PRKN: variants seen among roughly 807,000 people sequenced by gnomAD.
The protein encoded by PRKN is parkin RBR E3 ubiquitin protein ligase.
In PRKN, 56 loss-of-function variants were observed where a neutral mutation model predicts 59.5. That is an observed-to-expected ratio of 0.94 (90% CI 0.76 to 1.18). PRKN has a LOEUF of 1.18. Among genes scored for constraint, PRKN ranks in the 50% most tolerant of loss-of-function variants. The probability of loss-of-function intolerance (pLI) is 0.00; values close to 1 mark genes in which losing one functional copy is unlikely to be tolerated. For missense variants in PRKN, 657 were observed against 596.4 expected (o/e 1.10, Z -1.06); for synonymous variants, 250 against 222.1 (o/e 1.13, Z -1.12).
intron 2 of PRKN, among the ~76,000 whole-genome samples, chr6:162,389,939 G>A (rs546526404): frequency 6.6e-6 from 1 of 152,252 alleles, no homozygotes; most frequent in South Asian, 2.1e-4. Flanking sequence ...GTCTAATTTT[G>A]GCTAGTTGCA....
At chr6:162,131,253 C>G (rs1265419530) in intron 4 of PRKN, among the ~76,000 whole-genome samples, 2 of 152,090 alleles carry the variant, frequency 1.3e-5, no homozygotes, top group Admixed American at 6.6e-5. Context: ...TAAACAGGAG[C>G]CTGAGGAACA....
intron 9 of PRKN, among the ~76,000 whole-genome samples, chr6:161,425,900 C>T (rs191764363): frequency 6.6e-6 from 1 of 152,026 alleles, no homozygotes; most frequent in East Asian, 1.9e-4. Context: ...TCATGTTGGG[C>T]CCACAGGATT....
intron 2 of PRKN, among the ~76,000 whole-genome samples, chr6:162,384,254 CTT>C (rs1350506971): frequency 6.6e-6 from 1 of 152,128 alleles, no homozygotes; most frequent in African/African-American, 2.4e-5. Context: ...TTATTCCTAG[CTT>C]TTGATTTAAA....
chr6:161,512,608 A>C (rs933754538), intron 9 of PRKN, among the ~76,000 whole-genome samples: 7 of 152,150 alleles, frequency 4.6e-5, no homozygotes, highest in African/African-American at 1.7e-4. Context: ...ATTGGTATAC[A>C]AGGTTTGTCA....
intron 9 of PRKN, among the ~76,000 whole-genome samples, chr6:161,515,059 A>G (rs540246994): frequency 6.6e-6 from 1 of 152,302 alleles, no homozygotes; most frequent in Non-Finnish European, 1.5e-5. Flanking sequence ...ATTTCCTTTA[A>G]AAAGCATGAG....
intron 8 of PRKN, among the ~76,000 whole-genome samples, chr6:161,558,753 A>G (rs750861354): frequency 9.2e-5 from 14 of 152,164 alleles, no homozygotes; most frequent in Non-Finnish European, 1.3e-4. Context: ...TACGCATTAG[A>G]AATTTTTTTC....
At chr6:162,663,452 G>A (rs1435175243) in intron 1 of PRKN, among the ~76,000 whole-genome samples, 2 of 151,936 alleles carry the variant, frequency 1.3e-5, no homozygotes, top group Non-Finnish European at 2.9e-5. Flanking sequence ...GTTAGTTGCA[G>A]ACATCACTGT....
intron 6 of PRKN, among the ~76,000 whole-genome samples, chr6:161,916,926 C>T (rs1778585751): frequency 6.6e-6 from 1 of 152,084 alleles, no homozygotes; most frequent in Non-Finnish European, 1.5e-5. Flanking sequence ...CCCAGCCTCC[C>T]GAGTAGCTGG....
intron 5 of PRKN, among the ~76,000 whole-genome samples, chr6:162,025,261 C>T (rs1344005596): frequency 1.3e-5 from 2 of 151,866 alleles, no homozygotes; most frequent in African/African-American, 4.8e-5. Context: ...CCTCGGCCTC[C>T]GAAAGTGCTG....
At chr6:162,189,124 T>C (rs751668446) in intron 4 of PRKN, among the ~76,000 whole-genome samples, 20 of 151,686 alleles carry the variant, frequency 1.3e-4, no homozygotes, top group South Asian at 4.2e-4. Context: ...TTGATTCCTA[T>C]TCTAATTATC....
intron 6 of PRKN, among the ~76,000 whole-genome samples, chr6:161,829,898 A>T (rs1468418847): frequency 6.6e-6 from 1 of 151,878 alleles, no homozygotes; most frequent in Non-Finnish European, 1.5e-5. Flanking sequence ...GGATGGGAAT[A>T]TAACATATGT....
chr6:161,605,716 G>A (rs1782255769), intron 7 of PRKN, among the ~76,000 whole-genome samples: 1 of 152,008 alleles, frequency 6.6e-6, no homozygotes, highest in Non-Finnish European at 1.5e-5. Context: ...CCCCACGTTG[G>A]CCAGGCTGGT....
chr6:161,964,824 C>T (rs1780516202), intron 6 of PRKN, among the ~76,000 whole-genome samples: 2 of 152,008 alleles, frequency 1.3e-5, no homozygotes, highest in South Asian at 4.1e-4. Context: ...ACTATCAGAT[C>T]CCATCTGATC....
chr6:161,441,079 T>C lies in PRKN; in HGVS notation c.1084-54202A>G, dbSNP rs138203283. ...TTGGCCAGCTAAACACCATCAGGGG[T>C]TCTGGGGGGTTAGTCAAATAAAGTC... On this transcript the variant is annotated intron_variant, in intron 9 of 11. Coordinates refer to ENST00000366898, the MANE Select transcript of PRKN (RefSeq NM_004562.3). Among the ~76,000 whole-genome samples the C allele has an allele frequency of 4.5e-3, 687 of 151,898 alleles. 7 individuals carry two copies. The highest frequency in any genetic ancestry group is 0.015 in the African/African-American group (618 of 41,438).
At chr6:162,571,500 C>G (rs4709640) in intron 1 of PRKN, among the ~76,000 whole-genome samples, 46,627 of 151,850 alleles carry the variant, frequency 0.31, 7,609 homozygotes, top group East Asian at 0.49. Context: ...CTTTGACAAA[C>G]TTTTGGCAGA....
intron 2 of PRKN, among the ~76,000 whole-genome samples, chr6:162,401,729 T>A (rs909095043): frequency 2.5e-4 from 38 of 152,144 alleles, no homozygotes; most frequent in Non-Finnish European, 2.4e-4. Context: ...TATACAAAAT[T>A]AAAATAAGGA....
chr6:161,916,829 C>T (rs770682717), intron 6 of PRKN, among the ~76,000 whole-genome samples: 12 of 152,066 alleles, frequency 7.9e-5, no homozygotes, highest in South Asian at 4.2e-4. Flanking sequence ...GGCGGAGTCG[C>T]GCTCTGTCAC....
chr6:162,527,303 G>A (rs1778326350), intron 1 of PRKN, among the ~76,000 whole-genome samples: 1 of 152,180 alleles, frequency 6.6e-6, no homozygotes, highest in Non-Finnish European at 1.5e-5. Context: ...GTATGATAGA[G>A]CTAATCTGCA....
chr6:162,569,544 T>C, intron 1 of PRKN: 3 of 716,042 alleles, frequency 4.2e-6, no homozygotes, highest in South Asian at 4.1e-5. Flanking sequence ...GCAGATGGTC[T>C]GAGCTTGGCC....
Sources: gnomAD v4.1 joint callset for allele counts (sites outside exome capture counted in the v4.1 genomes callset) on GRCh38, gnomAD v4.1.1 for gene constraint, MANE v1.5 for transcripts, NCBI Gene and HGNC (gene_info 2026-07-23, HGNC 2026-07-21) for gene names.